The following MYO16 variants were observed in gnomAD, a reference collection of about 807,000 sequenced individuals.
MYO16 encodes the protein myosin XVI.
A neutral mutation model predicts 205.3 loss-of-function variants in MYO16; 94 were observed. The ratio of observed to expected loss-of-function variants is 0.46; its 90% CI spans 0.39 to 0.54. The LOEUF is 0.54. Among genes scored for constraint, MYO16 ranks in the 20% least tolerant of loss-of-function variants. The pLI is 0.00. For missense variants in MYO16, 2,315 were observed against 2,387.5 expected (o/e 0.97, Z 0.63); for synonymous variants, 988 against 954.0 (o/e 1.04, Z -0.66).
intron 4 of MYO16, among the ~76,000 whole-genome samples, chr13:108,733,015 G>A (rs1884573907): frequency 6.6e-6 from 1 of 152,126 alleles, no homozygotes; most frequent in Non-Finnish European, 1.5e-5. Flanking sequence ...AGAAGATTGG[G>A]TGTAAAAATG....
At chr13:109,126,491 G>A (rs1876257886) in intron 30 of MYO16, among the ~76,000 whole-genome samples, 1 of 152,058 alleles carries the variant, frequency 6.6e-6, no homozygotes, top group African/African-American at 2.4e-5. Flanking sequence ...GCCAGAAGAA[G>A]TTTTTTTAAG....
intron 23 of MYO16, among the ~76,000 whole-genome samples, chr13:109,027,155 T>C (rs1275786430): frequency 6.6e-6 from 1 of 152,154 alleles, no homozygotes; most frequent in Admixed American, 6.5e-5. Context: ...CTTGTGGTGG[T>C]AGCCAGCCAT....
At chr13:108,778,544 G>T (rs144900319) in intron 4 of MYO16, among the ~76,000 whole-genome samples, 1 of 152,146 alleles carries the variant, frequency 6.6e-6, no homozygotes, top group Non-Finnish European at 1.5e-5. Flanking sequence ...GCTTGAACCC[G>T]GGAGGCGAAG....
At chr13:108,971,223 G>C (rs2139389080) in intron 20 of MYO16, among the ~76,000 whole-genome samples, 1 of 152,004 alleles carries the variant, frequency 6.6e-6, no homozygotes, top group Non-Finnish European at 1.5e-5. Context: ...GGTTTTGCAA[G>C]CACATAGAAG....
chr13:108,907,496 GCCCATCATACTC>G (rs1293502163), intron 15 of MYO16, among the ~76,000 whole-genome samples: 2 of 152,098 alleles, frequency 1.3e-5, no homozygotes, highest in Non-Finnish European at 2.9e-5. Flanking sequence ...TAACTTAGAA[GCCCATCATACTC>G]CTTCCATTTT....
intron 4 of MYO16, among the ~76,000 whole-genome samples, chr13:108,744,969 A>G (rs777155126): frequency 4.6e-5 from 7 of 152,258 alleles, no homozygotes; most frequent in African/African-American, 7.2e-5. Context: ...AACAGTGATT[A>G]GAACCATAAT....
chr13:109,171,195 C>T (rs1286699803), intron 33 of MYO16, among the ~76,000 whole-genome samples: 2 of 152,134 alleles, frequency 1.3e-5, no homozygotes, highest in Non-Finnish European at 1.5e-5. Flanking sequence ...AAATCCCATA[C>T]AGAGGGCAGA....
At chr13:108,987,793 T>G (rs763768019) in intron 20 of MYO16, among the ~76,000 whole-genome samples, 1 of 152,214 alleles carries the variant, frequency 6.6e-6, no homozygotes, top group Non-Finnish European at 1.5e-5. Flanking sequence ...CTGAGGATAA[T>G]TGAGGACAAA....
At chr13:108,891,152 C>T (rs1010331649) in intron 14 of MYO16, among the ~76,000 whole-genome samples, 1 of 152,212 alleles carries the variant, frequency 6.6e-6, no homozygotes, top group Non-Finnish European at 1.5e-5. Flanking sequence ...CCTTAGTTAA[C>T]TTTACATTAT....
intron 4 of MYO16, among the ~76,000 whole-genome samples, chr13:108,735,596 T>C (rs1884669854): frequency 6.6e-6 from 1 of 151,830 alleles, no homozygotes; most frequent in South Asian, 2.1e-4. Context: ...AGTGCTGCAA[T>C]AAACATACGT....
chr13:108,819,895 C>T (rs968403676), intron 7 of MYO16, among the ~76,000 whole-genome samples: 4 of 152,080 alleles, frequency 2.6e-5, no homozygotes, highest in African/African-American at 2.4e-5. Flanking sequence ...TATGTACTTT[C>T]GGGTTATATT....
At chr13:108,706,649 C>T (rs1373501443) in intron 2 of MYO16, among the ~76,000 whole-genome samples, 2 of 152,088 alleles carry the variant, frequency 1.3e-5, no homozygotes, top group Non-Finnish European at 2.9e-5. Flanking sequence ...TGGGATAGTG[C>T]TAACTATTAG....
At chr13:108,577,140 G>T in the MYO16 span, among the ~76,000 whole-genome samples, 1 of 152,130 alleles carries the variant, frequency 6.6e-6, no homozygotes, top group Non-Finnish European at 1.5e-5. Flanking sequence ...TTCATGAGGT[G>T]TTTGGTCATT....
intron 6 of MYO16, among the ~76,000 whole-genome samples, chr13:108,805,925 A>AAATAAATAAATAAAT (rs1887098071): frequency 7.3e-6 from 1 of 137,028 alleles, no homozygotes; most frequent in Non-Finnish European, 1.6e-5. Flanking sequence ...AGTCTCTACC[A>AAATAAATAAATAAAT]AAATAAATAA....
rs1301396571 is a variant in MYO16 at position 109,141,851 on chromosome 13, A to G, written c.5164+475A>G. On this transcript the variant is annotated intron_variant, in intron 32 of 34. Coordinates refer to ENST00000457511, the MANE Select transcript of MYO16 (RefSeq NM_001198950.3). The surrounding 1 kb of genome is among the most constrained non-coding windows in gnomAD (Gnocchi z 4.1). ...CTGGCGGTGTCTGGGATGTTGACCT[A>G]GCCAGTTACTACCCTGCGCTTAATG... Among the ~76,000 whole-genome samples the G allele has an allele frequency of 6.6e-6, 1 of 152,128 alleles. No homozygotes were observed. The highest frequency in any genetic ancestry group is 2.4e-5 in the African/African-American group (1 of 41,414).
At chr13:109,192,321 TATTA>T (rs200813445) in intron 34 of MYO16, among the ~76,000 whole-genome samples, 1 of 152,224 alleles carries the variant, frequency 6.6e-6, no homozygotes, top group East Asian at 1.9e-4. Context: ...TGGAAAGGAC[TATTA>T]ATTTAAAATA....
At chr13:108,607,180 A>G (rs1018702908) in intron 1 of MYO16, among the ~76,000 whole-genome samples, 7 of 152,098 alleles carry the variant, frequency 4.6e-5, no homozygotes, top group Admixed American at 4.6e-4. Context: ...GTGGACTTGG[A>G]CTTTGGGTTA....
intron 16 of MYO16, among the ~76,000 whole-genome samples, chr13:108,954,096 G>A (rs1033205428): frequency 6.6e-6 from 1 of 152,160 alleles, no homozygotes; most frequent in Non-Finnish European, 1.5e-5. Context: ...CGCTGTATTC[G>A]CACTTTCTCA....
chr13:109,066,635 A>C (rs765152886), intron 27 of MYO16, among the ~76,000 whole-genome samples: 19 of 152,194 alleles, frequency 1.2e-4, no homozygotes, highest in Non-Finnish European at 2.4e-4. Flanking sequence ...GGATCTGCAC[A>C]CTTTTTGTAT....
Sources: allele counts gnomAD v4.1 joint callset (sites outside exome capture counted in the v4.1 genomes callset), GRCh38; gene constraint gnomAD v4.1.1; non-coding constraint Gnocchi (gnomAD v3.1); transcripts MANE v1.5; gene names NCBI Gene and HGNC (gene_info 2026-07-23, HGNC 2026-07-21).